Variants in MICAL2 observed in about 807,000 individuals in gnomAD.
MICAL2 encodes the protein microtubule associated monooxygenase, calponin and LIM domain containing 2.
Under a neutral mutation model 127.3 loss-of-function variants are expected in MICAL2, and 77 were observed. That is an observed-to-expected ratio of 0.60 (90% CI 0.50 to 0.73). The LOEUF is 0.73. MICAL2 is among the 30% of genes least tolerant of loss of function. The pLI is 0.00. For missense variants in MICAL2, 1,351 were observed against 1,434.4 expected (o/e 0.94, Z 0.94); for synonymous variants, 570 against 551.1 (o/e 1.03, Z -0.48).
At chr11:12,215,503 G>A (rs906084086) in intron 7 of MICAL2, among the ~76,000 whole-genome samples, 1 of 152,192 alleles carries the variant, frequency 6.6e-6, no homozygotes, top group African/African-American at 2.4e-5. Flanking sequence ...TATCCCCAGG[G>A]TTTCTGATTC....
At chr11:12,249,336 A>G (rs1297006260) in intron 22 of MICAL2, 90 bp downstream of exon 22, 1 of 769,984 alleles carries the variant, frequency 1.3e-6, no homozygotes, top group Non-Finnish European at 2.3e-6. Context: ...TTAAGCGCAT[A>G]TGATCAGCAG....
intron 15 of MICAL2, among the ~76,000 whole-genome samples, chr11:12,229,533 C>T (rs1590488853): frequency 6.6e-6 from 1 of 152,226 alleles, no homozygotes. Flanking sequence ...CCGAGACAGA[C>T]ATTTACTGCC....
chr11:12,165,104 A>T (rs1224289002), intron 3 of MICAL2, among the ~76,000 whole-genome samples: 1 of 148,018 alleles, frequency 6.8e-6, no homozygotes, highest in African/African-American at 2.5e-5. Context: ...ACACCGCTGC[A>T]CTCCAGCCTG....
chr11:12,144,276 A>G (rs960328446), intron 2 of MICAL2, among the ~76,000 whole-genome samples: 1 of 152,198 alleles, frequency 6.6e-6, no homozygotes, highest in Admixed American at 6.5e-5. Context: ...AATACCAAGG[A>G]AAGAGTCCAA....
intron 2 of MICAL2, among the ~76,000 whole-genome samples, chr11:12,139,067 G>A (rs1439635845): frequency 1.1e-4 from 16 of 152,158 alleles, no homozygotes; most frequent in Non-Finnish European, 2.9e-5. Flanking sequence ...TAGAAAGGTT[G>A]TTTAGAGTAA....
Position 12,152,729 on chromosome 11 carries a change from G to C in MICAL2, c.-77-9350G>C, listed in dbSNP as rs115757031. 6.6e-3 allele frequency among the ~76,000 whole-genome samples: 999 copies of C among 152,072 alleles called. 15 individuals carry two copies. Among genetic ancestry groups the C allele is most frequent in the East Asian group, 0.053 (272 of 5,174 alleles). On this transcript the variant is annotated intron_variant, in intron 2 of 27. Transcript: ENST00000683283. Reference sequence around the variant, plus strand: ...CAAATGAGATTTGGAAAGAATGAGAGAAGCCTAGATGACTTTTTAAAAAGA... The same window carrying C: ...CAAATGAGATTTGGAAAGAATGAGACAAGCCTAGATGACTTTTTAAAAAGA...
intron 29 of MICAL2, among the ~76,000 whole-genome samples, chr11:12,313,116 C>G (rs1156426377): frequency 8.2e-6 from 1 of 122,028 alleles, no homozygotes; most frequent in African/African-American, 3.2e-5. Context: ...TGCAGTGAGC[C>G]GAGATAGCAC....
At chr11:12,273,060 T>A (rs986479390), upstream of MICAL2, among the ~76,000 whole-genome samples, 5 of 152,184 alleles carry the variant, frequency 3.3e-5, no homozygotes, top group African/African-American at 1.2e-4. Context: ...GGGGGCACTT[T>A]CCAGCCAAAA....
chr11:12,352,833 A>T (rs993653813), intron 33 of MICAL2, among the ~76,000 whole-genome samples: 1 of 152,174 alleles, frequency 6.6e-6, no homozygotes, highest in Non-Finnish European at 1.5e-5. Context: ...GGAGCCCCAG[A>T]TGCAGCGCAG....
At position 12,285,303 on chromosome 11, in the gene MICAL2, A is replaced by G. The variant is rs552646845; in HGVS notation, c.255-1784A>G. ...TCTTAGGCTTTACAATAGTGATGTT[A>G]GCCTCAAGATGCAATTTGGGAAGGT... On this transcript the variant is annotated intron_variant, in intron 2 of 2. Transcript: ENST00000529028. Among the ~76,000 whole-genome samples, 79 of 152,308 alleles carry G rather than the reference A, an allele frequency of 5.2e-4. No individual in the cohort carries two copies. In the South Asian group the frequency reaches 7.7e-3, roughly 15 times the overall value.
At chr11:12,149,803 C>A (rs530904872) in intron 2 of MICAL2, among the ~76,000 whole-genome samples, 73 of 152,262 alleles carry the variant, frequency 4.8e-4, no homozygotes, top group African/African-American at 1.7e-3. Flanking sequence ...GCCTGAAATG[C>A]AGCAGGGAGC....
At chr11:12,256,570 G>T in intron 23 of MICAL2, 1 of 471,160 alleles carries the variant, frequency 2.1e-6, no homozygotes, top group Non-Finnish European at 3.7e-6. Context: ...TCTCGGGCCT[G>T]TCTGGGAGTA....
intron 3 of MICAL2, among the ~76,000 whole-genome samples, chr11:12,163,475 C>T (rs952812112): frequency 1.3e-5 from 2 of 152,176 alleles, no homozygotes; most frequent in African/African-American, 2.4e-5. Flanking sequence ...GAGAAGCTGT[C>T]GAGTCCACCA....
At chr11:12,337,689 T>G (rs941651093) in intron 32 of MICAL2, among the ~76,000 whole-genome samples, 28 of 152,070 alleles carry the variant, frequency 1.8e-4, no homozygotes, top group African/African-American at 6.3e-4. Flanking sequence ...ACATCTTTAT[T>G]TCTGCCTTCA....
chr11:12,334,093 A>C (rs538812164), intron 32 of MICAL2, among the ~76,000 whole-genome samples: 1 of 152,284 alleles, frequency 6.6e-6, no homozygotes, highest in South Asian at 2.1e-4. Context: ...TTTGACCTCA[A>C]GTTGTTAGTC....
rs78020527 is a variant in MICAL2, at chr11:12,226,505, A to G, written c.1888+135A>G. 1,986 of 807,702 alleles carry G rather than the reference A, an allele frequency of 2.5e-3. 25 individuals are homozygous for G. The African/African-American group carries it at 0.03, about 12-fold the overall frequency. 50.0% of individuals were successfully genotyped at this position (807,702 alleles called of 1,614,324 possible). A position where few individuals can be genotyped will look rare whatever the true frequency, so the allele number is the denominator to read the frequency against. On this transcript the variant is annotated intron_variant, in intron 14 of 27. Coordinates refer to ENST00000683283, the MANE Select transcript of MICAL2 (RefSeq NM_001282663.2). ...GTTCCCCTTGACTTTGAGGCCAAACAGGGGTGACTCCACTCACCCAGCCCC... is the reference window on the plus strand; with the variant it reads ...GTTCCCCTTGACTTTGAGGCCAAACGGGGGTGACTCCACTCACCCAGCCCC...
intron 29 of MICAL2, among the ~76,000 whole-genome samples, chr11:12,319,183 T>C (rs888816792): frequency 6.6e-6 from 1 of 152,192 alleles, no homozygotes; most frequent in Non-Finnish European, 1.5e-5. Flanking sequence ...ACGCCAGCTC[T>C]TTTACACTGA....
chr11:12,165,749 T>G (rs773755122), intron 3 of MICAL2, among the ~76,000 whole-genome samples: 4 of 152,226 alleles, frequency 2.6e-5, no homozygotes, highest in Non-Finnish European at 4.4e-5. Flanking sequence ...TGGTGAGAGA[T>G]TGGGGACCAG....
At chr11:12,116,359 T>TGA in intron 1 of MICAL2, among the ~76,000 whole-genome samples, 2 of 69,610 alleles carry the variant, frequency 2.9e-5, no homozygotes, top group Non-Finnish European at 7.0e-5. Context: ...TGATTTTTTT[T>TGA]TTTTTTTTTT....
Sources: allele counts gnomAD v4.1 joint callset (sites outside exome capture counted in the v4.1 genomes callset), GRCh38; gene constraint gnomAD v4.1.1; transcripts MANE v1.5; gene names NCBI Gene and HGNC (gene_info 2026-07-23, HGNC 2026-07-21).